The following GTF2B variants were observed in gnomAD, a reference collection of about 807,000 sequenced individuals.
GTF2B encodes the protein general transcription factor IIB.
Under a neutral mutation model 34.6 loss-of-function variants are expected in GTF2B, and 20 were observed. That is an observed-to-expected ratio of 0.58 (90% CI 0.41 to 0.84). The LOEUF is 0.84. Ranked by LOEUF, GTF2B falls within the 40% of genes least tolerant of loss-of-function variation. The pLI, the probability that GTF2B is intolerant of heterozygous loss-of-function variation, is 0.00. For synonymous variants in GTF2B, 142 were observed against 132.4 expected (o/e 1.07, Z -0.50); for missense variants, 237 against 393.3 (o/e 0.60, Z 3.36).
In GTF2B at chr1:88,852,758, A is replaced by C. The variant is rs1557650753; in HGVS notation, c.*455T>G. On this transcript the variant is annotated 3_prime_UTR_variant, in exon 7 of 7. Transcript: ENST00000370500. ...ACATCCTTTCAAACTGGAAACTATG[A>C]TGTTGATGTTAACAATGGTTCTCAA... is the stretch of plus-strand genomic sequence containing the variant. 6.6e-6 allele frequency among the ~76,000 whole-genome samples: 1 copy of C among 152,148 alleles called. No individual in the cohort carries two copies. The highest frequency in any genetic ancestry group is 1.5e-5 in the Non-Finnish European group (1 of 68,034).
intron 2 of GTF2B, among the ~76,000 whole-genome samples, chr1:88,867,879 T>C (rs1263302203): frequency 6.6e-6 from 1 of 152,200 alleles, no homozygotes; most frequent in Non-Finnish European, 1.5e-5. Flanking sequence ...TTTTTCCACA[T>C]ACGTAGGAAT....
intron 2 of GTF2B, among the ~76,000 whole-genome samples, chr1:88,882,719 A>G (rs1673977754): frequency 6.6e-6 from 1 of 152,206 alleles, no homozygotes; most frequent in African/African-American, 2.4e-5. Flanking sequence ...TTCTTTTCGC[A>G]TAGACAAGTA....
Position 88,859,751 on chromosome 1 carries a change from G to T in GTF2B, c.535+131C>A, listed in dbSNP as rs1486579607. Reference sequence around the variant, plus strand: ...CTCAGGAGGCTGAGGCAGGAGTATAGCTTGAACCTGGGAGGCAGAGGTTGC... The same window carrying T: ...CTCAGGAGGCTGAGGCAGGAGTATATCTTGAACCTGGGAGGCAGAGGTTGC... On this transcript the variant is annotated intron_variant, in intron 5 of 6. Transcript: ENST00000370500. 6 of 704,374 alleles carry T rather than the reference G, an allele frequency of 8.5e-6. No individual in the cohort carries two copies. The East Asian group carries it at 1.3e-4, about 16-fold the overall frequency. 43.6% of individuals were successfully genotyped at this position (704,374 alleles called of 1,614,324 possible).
intron 6 of GTF2B, 74 bp downstream of exon 6, chr1:88,857,132 A>T: frequency 7.3e-7 from 1 of 1,365,972 alleles, no homozygotes; most frequent in South Asian, 1.4e-5. Flanking sequence ...TACCCGGTTC[A>T]GACTTAAAAT....
At position 88,860,412 on chromosome 1, in the gene GTF2B, C is replaced by T. The variant is rs1673407656; in HGVS notation, c.259-126G>A. On this transcript the variant is annotated intron_variant, in intron 3 of 6. Transcript: ENST00000370500. ...CCAGAAATCTGAATTGTGCATCCTGCTCATCTATACTAAATGAACATGTAA... is the reference window on the plus strand; with the variant it reads ...CCAGAAATCTGAATTGTGCATCCTGTTCATCTATACTAAATGAACATGTAA... 5 of 642,414 alleles carry T rather than the reference C, an allele frequency of 7.8e-6. No individual in the cohort carries two copies. In the South Asian group the frequency reaches 9.9e-5, roughly 13 times the overall value. 39.8% of individuals were successfully genotyped at this position (642,414 alleles called of 1,614,324 possible).
intron 2 of GTF2B, among the ~76,000 whole-genome samples, chr1:88,869,631 CTTT>C (rs964482864): frequency 6.6e-6 from 1 of 151,288 alleles, no homozygotes; most frequent in Non-Finnish European, 1.5e-5. Flanking sequence ...AAAATGACTT[CTTT>C]TTTTTTCCCC....
chr1:88,853,620 T>C (rs1308874745), intron 6 of GTF2B, among the ~76,000 whole-genome samples: 11 of 152,022 alleles, frequency 7.2e-5, no homozygotes, highest in Non-Finnish European at 1.6e-4. Flanking sequence ...CTGGCCAACA[T>C]GGTGAAACCC....
At position 88,888,856 on chromosome 1, in the gene GTF2B, T is replaced by C. The variant is rs373525978; in HGVS notation, c.18-1489A>G. On this transcript the variant is annotated intron_variant, in intron 1 of 6. Transcript: ENST00000370500. Reference sequence around the variant, plus strand: ...AGCAGGCCAAATGAATTGATGGAGTTAGAAATCAGGATGTGGTTTTCTCAA... The same window carrying C: ...AGCAGGCCAAATGAATTGATGGAGTCAGAAATCAGGATGTGGTTTTCTCAA... 3.9e-5 allele frequency among the ~76,000 whole-genome samples: 6 copies of C among 152,322 alleles called. No homozygotes were observed. The East Asian group carries it at 7.7e-4, about 20-fold the overall frequency.
At chr1:88,882,051 T>C (rs1403174509) in intron 2 of GTF2B, among the ~76,000 whole-genome samples, 1 of 152,110 alleles carries the variant, frequency 6.6e-6, no homozygotes, top group Non-Finnish European at 1.5e-5. Flanking sequence ...AGCTCACGCC[T>C]GTAAACTCAG....
In GTF2B at chr1:88,853,069, G is replaced by A; in HGVS notation, c.*144C>T. On this transcript the variant is annotated 3_prime_UTR_variant, in exon 7 of 7. Transcript: ENST00000370500. ...TATGTTTCACTAGTATATACATACA[G>A]AATGCCAAGCAATAGTATTCAGCCC... is the stretch of plus-strand genomic sequence containing the variant. 1 of 739,312 alleles carries A rather than the reference G, an allele frequency of 1.4e-6. No homozygotes were observed. The highest frequency in any genetic ancestry group is 2.4e-6 in the Non-Finnish European group (1 of 413,482). 45.8% of individuals were successfully genotyped at this position (739,312 alleles called of 1,614,324 possible). A position where few individuals can be genotyped will look rare whatever the true frequency, so the allele number is the denominator to read the frequency against.
chr1:88,873,018 ATTT>A (rs1673734266), intron 2 of GTF2B, among the ~76,000 whole-genome samples: 1 of 151,858 alleles, frequency 6.6e-6, no homozygotes, highest in Non-Finnish European at 1.5e-5. Flanking sequence ...CCTCATATTG[ATTT>A]TTAAGTTTAT....
At position 88,857,691 on chromosome 1, in the gene GTF2B, C is replaced by CTTTTTTTTTTTTTTTTTTTTT. The variant is rs368010048; in HGVS notation, c.536-205_536-204insAAAAAAAAAAAAAAAAAAAAA. 1.7e-4 allele frequency among the ~76,000 whole-genome samples: 18 copies of CTTTTTTTTTTTTTTTTTTTTT among 108,136 alleles called. 4 individuals are homozygous for CTTTTTTTTTTTTTTTTTTTTT. Among genetic ancestry groups the CTTTTTTTTTTTTTTTTTTTTT allele is most frequent in the Admixed American group, 5.7e-4 (5 of 8,758 alleles). 70.9% of individuals were successfully genotyped at this position (108,136 alleles called of 152,430 possible). On this transcript the variant is annotated intron_variant, in intron 5 of 6. Transcript: ENST00000370500. ...CAGTTAACTTTAATGTTCATCACAC[C>CTTTTTTTTTTTTTTTTTTTTT]TTTTTTTTTGAGATGAAGTCTCACT...
At chr1:88,879,643 G>T (rs1035863660) in intron 2 of GTF2B, among the ~76,000 whole-genome samples, 3 of 151,860 alleles carry the variant, frequency 2.0e-5, no homozygotes, top group African/African-American at 4.8e-5. Flanking sequence ...AGATGAGAGG[G>T]TGACATATGG....
intron 2 of GTF2B, among the ~76,000 whole-genome samples, chr1:88,878,637 A>G (rs1673865949): frequency 6.6e-6 from 1 of 152,238 alleles, no homozygotes; most frequent in Non-Finnish European, 1.5e-5. Context: ...AAGTTTAGGT[A>G]CAGCCTATTT....
chr1:88,863,466 C>T (rs1557654686), intron 3 of GTF2B, among the ~76,000 whole-genome samples: 2 of 152,074 alleles, frequency 1.3e-5, no homozygotes, highest in Admixed American at 6.5e-5. Flanking sequence ...GCCTCAGCCT[C>T]GCGAGTAAGC....
At chr1:88,858,770 T>C (rs982840307) in intron 5 of GTF2B, 2 of 152,254 alleles carry the variant, frequency 1.3e-5, no homozygotes, top group Non-Finnish European at 2.9e-5. Context: ...TTATCACATA[T>C]TCACATGTAA....
chr1:88,879,602 A>T (rs2100976896), intron 2 of GTF2B, among the ~76,000 whole-genome samples: 1 of 148,532 alleles, frequency 6.7e-6, no homozygotes, highest in East Asian at 2.0e-4. Context: ...AAAAAAAAGT[A>T]ATAGTAATGG....
At chr1:88,855,374 T>C (rs1673279470) in intron 6 of GTF2B, among the ~76,000 whole-genome samples, 1 of 151,128 alleles carries the variant, frequency 6.6e-6, no homozygotes, top group African/African-American at 2.4e-5. Flanking sequence ...TTTTTTTTTT[T>C]TTTGAGACAG....
At position 88,853,522 on chromosome 1, in the gene GTF2B, A is replaced by G. The variant is rs1465220771; in HGVS notation, c.818-176T>C. 2.0e-5 allele frequency among the ~76,000 whole-genome samples: 3 copies of G among 152,308 alleles called. No homozygotes were observed. The East Asian group carries it at 5.8e-4, about 29-fold the overall frequency. On this transcript the variant is annotated intron_variant, in intron 6 of 6. Coordinates refer to ENST00000370500, the MANE Select transcript of GTF2B (RefSeq NM_001514.6). ...TACTAAAAGGTAGAAAGCGGGAGCT[A>G]GGCCGGGCGCAGTGGCTCATGCCTG...
Sources: gnomAD v4.1 joint callset for allele counts (sites outside exome capture counted in the v4.1 genomes callset) on GRCh38, gnomAD v4.1.1 for gene constraint, MANE v1.5 for transcripts, NCBI Gene and HGNC (gene_info 2026-07-23, HGNC 2026-07-21) for gene names.